VEPH1: variants seen among roughly 807,000 people sequenced by gnomAD.
VEPH1 encodes ventricular zone-expressed PH domain-containing protein homolog 1.
In VEPH1, 80 loss-of-function variants were observed where a neutral mutation model predicts 85.2. The ratio of observed to expected loss-of-function variants is 0.94; its 90% CI spans 0.78 to 1.13. The LOEUF is 1.13. VEPH1 is among the 50% of genes most tolerant of loss of function. VEPH1 has a pLI of 0.00. For synonymous variants in VEPH1, 297 were observed against 348.0 expected (o/e 0.85, Z 1.63); for missense variants, 955 against 980.5 (o/e 0.97, Z 0.35).
intron 2 of VEPH1, among the ~76,000 whole-genome samples, chr3:157,485,736 A>T (rs183737507): frequency 3.2e-4 from 49 of 152,146 alleles, no homozygotes; most frequent in African/African-American, 1.1e-3. Context: ...TTGATTATTT[A>T]AAAAATCTAC....
At chr3:157,423,163 C>T (rs891354550) in intron 5 of VEPH1, among the ~76,000 whole-genome samples, 3 of 152,100 alleles carry the variant, frequency 2.0e-5, no homozygotes, top group African/African-American at 7.2e-5. Context: ...AGCACTACAC[C>T]AGGGAGTGCA....
chr3:157,289,585 A>G (rs1335586264), intron 11 of VEPH1, among the ~76,000 whole-genome samples: 1 of 152,220 alleles, frequency 6.6e-6, no homozygotes, highest in Non-Finnish European at 1.5e-5. Flanking sequence ...ACACAAACCA[A>G]CAACCAGTGA....
chr3:157,447,602 T>A (rs1038964246), intron 4 of VEPH1, among the ~76,000 whole-genome samples: 16 of 151,418 alleles, frequency 1.1e-4, no homozygotes, highest in Admixed American at 1.1e-3. Context: ...ATCTTTTTTT[T>A]TTTTTTTTTT....
intron 11 of VEPH1, among the ~76,000 whole-genome samples, chr3:157,302,767 T>G (rs1234913520): frequency 1.3e-5 from 2 of 152,176 alleles, no homozygotes; most frequent in African/African-American, 4.8e-5. Context: ...AATCTAAGCT[T>G]CTTGCCATGG....
chr3:157,477,694 T>C (rs1737615666), intron 2 of VEPH1, among the ~76,000 whole-genome samples: 1 of 152,154 alleles, frequency 6.6e-6, no homozygotes, highest in Non-Finnish European at 1.5e-5. Flanking sequence ...CAAGCCTCTG[T>C]CATCAGTCAC....
chr3:157,460,357 T>C lies in VEPH1; in HGVS notation c.355-2A>G, dbSNP rs747441236. The C allele has an allele frequency of 1.9e-6, 3 of 1,602,412 alleles. No individual in the cohort carries two copies. Among genetic ancestry groups the C allele is most frequent in the East Asian group, 4.5e-5 (2 of 44,666 alleles). On this transcript the variant is annotated splice_acceptor_variant, in intron 3 of 13. Transcript: ENST00000362010. LOFTEE classifies it high-confidence loss of function. ...CATCACTGGGGGTCGGTTGTAATTC[T>C]GAGGAAATATAAGAAAGCCACAAAT...
chr3:157,427,828 G>T (rs1296824491), intron 5 of VEPH1, among the ~76,000 whole-genome samples: 2 of 152,206 alleles, frequency 1.3e-5, no homozygotes, highest in Non-Finnish European at 2.9e-5. Flanking sequence ...CATTATTTCT[G>T]GGTATGTCTG....
intron 6 of VEPH1, among the ~76,000 whole-genome samples, chr3:157,383,606 T>A (rs1019502378): frequency 6.6e-6 from 1 of 152,212 alleles, no homozygotes; most frequent in African/African-American, 2.4e-5. Flanking sequence ...CTGGAACATA[T>A]CTCTTGGGGT....
At chr3:157,272,322 C>A (rs1182260518) in intron 12 of VEPH1, among the ~76,000 whole-genome samples, 67 of 150,526 alleles carry the variant, frequency 4.5e-4, no homozygotes, top group African/African-American at 1.5e-3. Flanking sequence ...CTCTCCCTCT[C>A]TCTCTCTCTT....
At chr3:157,443,729 A>T (rs1734324521) in intron 4 of VEPH1, 1 of 152,230 alleles carries the variant, frequency 6.6e-6, no homozygotes, top group South Asian at 2.1e-4. Flanking sequence ...GAGCAACTAT[A>T]GACTTGTTTT....
intron 6 of VEPH1, among the ~76,000 whole-genome samples, chr3:157,403,832 C>T (rs940681015): frequency 1.3e-4 from 20 of 152,042 alleles, no homozygotes; most frequent in Non-Finnish European, 1.8e-4. Context: ...AGTATATATG[C>T]GGGCATGTCT....
intron 9 of VEPH1, among the ~76,000 whole-genome samples, chr3:157,351,332 G>C (rs1188039435): frequency 2.0e-5 from 3 of 152,150 alleles, no homozygotes; most frequent in East Asian, 3.9e-4. Flanking sequence ...TGTAGTCCCA[G>C]CTACTTGGGA....
chr3:157,282,166 CT>C (rs1295047656), intron 12 of VEPH1, among the ~76,000 whole-genome samples: 4 of 152,070 alleles, frequency 2.6e-5, no homozygotes, highest in African/African-American at 9.7e-5. Flanking sequence ...ATAGCACATT[CT>C]TTTTTTATTC....
chr3:157,368,482 TG>T (rs1178408871), intron 7 of VEPH1, among the ~76,000 whole-genome samples: 10 of 144,672 alleles, frequency 6.9e-5, no homozygotes, highest in Admixed American at 2.7e-4. Context: ...ATAAGTTTTT[TG>T]TTTGTTTGTT....
intron 4 of VEPH1, chr3:157,442,791 G>A: frequency 6.2e-7 from 1 of 1,614,212 alleles, no homozygotes; most frequent in Non-Finnish European, 8.5e-7. Context: ...CTGCTGTGTG[G>A]GTGGTGGCTT....
At chr3:157,409,097 A>AT (rs141229794) in intron 6 of VEPH1, among the ~76,000 whole-genome samples, 3,543 of 151,070 alleles carry the variant, frequency 0.023, 157 homozygotes, top group African/African-American at 0.082. Flanking sequence ...TCCATCAAGC[A>AT]TTTTTTTTTA....
intron 6 of VEPH1, among the ~76,000 whole-genome samples, chr3:157,401,831 T>A (rs1467574715): frequency 6.6e-6 from 1 of 152,022 alleles, no homozygotes; most frequent in Admixed American, 6.6e-5. Flanking sequence ...AATAAATGAA[T>A]GGAAGCAAAT....
chr3:157,397,496 A>G (rs976048266), intron 6 of VEPH1, among the ~76,000 whole-genome samples: 5 of 152,140 alleles, frequency 3.3e-5, no homozygotes, highest in Non-Finnish European at 5.9e-5. Flanking sequence ...TGGGAATAGC[A>G]TTGAATCTAT....
chr3:157,392,643 CAT>C (rs1729973062), intron 6 of VEPH1, among the ~76,000 whole-genome samples: 1 of 152,030 alleles, frequency 6.6e-6, no homozygotes. Context: ...CAAAATATCT[CAT>C]AATGTTTTAA....
Sources: gnomAD v4.1 joint callset for allele counts (sites outside exome capture counted in the v4.1 genomes callset) on GRCh38, gnomAD v4.1.1 for gene constraint, MANE v1.5 for transcripts, NCBI Gene and HGNC (gene_info 2026-07-23, HGNC 2026-07-21) for gene names.